The following RGS6 variants were observed in gnomAD, a reference collection of about 807,000 sequenced individuals.
RGS6 encodes the protein regulator of G protein signaling 6, also known as regulator of G-protein signaling 6.
A neutral mutation model predicts 78.5 loss-of-function variants in RGS6; 30 were observed. The observed-to-expected ratio is 0.38, with a 90% confidence interval of 0.29 to 0.52. The LOEUF (loss-of-function observed/expected upper bound fraction) is 0.52, where lower values mean the gene tolerates loss of function less well. RGS6 is among the 20% of genes least tolerant of loss of function. RGS6 has a pLI of 0.85. For synonymous variants in RGS6, 206 were observed against 206.0 expected (o/e 1.00, Z 0.00); for missense variants, 495 against 609.7 (o/e 0.81, Z 1.98).
chr14:72,364,028 T>TAAA (rs2082022171), intron 3 of RGS6, among the ~76,000 whole-genome samples: 1 of 99,710 alleles, frequency 1.0e-5, no homozygotes, highest in African/African-American at 5.0e-5. Context: ...AAAAAAAAAC[T>TAAA]CTATATTTAT....
intron 3 of RGS6, among the ~76,000 whole-genome samples, chr14:72,399,871 A>C (rs953612637): frequency 6.6e-6 from 1 of 152,242 alleles, no homozygotes; most frequent in African/African-American, 2.4e-5. Flanking sequence ...AAAGCCTCCA[A>C]GAAATATGGG....
At chr14:71,894,139 C>T in the RGS6 span, among the ~76,000 whole-genome samples, 616 of 152,218 alleles carry the variant, frequency 4.0e-3, 8 homozygotes, top group African/African-American at 0.014. Flanking sequence ...TTGTCAGAGG[C>T]GTTCAAACCA....
chr14:72,465,595 TGGA>T (rs1201387901), intron 6 of RGS6, among the ~76,000 whole-genome samples, 160 bp from the exon 7 acceptor site: 30 of 148,168 alleles, frequency 2.0e-4, no homozygotes, highest in African/African-American at 7.6e-4. Context: ...GATGGATGGA[TGGA>T]TGGTTGGGTG....
rs960226413 is a variant in RGS6 at position 72,094,735 on chromosome 14, G to A, written c.84+129860G>A. The stretch of plus-strand genomic sequence containing the variant: ...GTTTTCTGTGACATTGTTTACTTTC[G>A]TTATACCTTAATTATGGGATTCTGA... On this transcript the variant is annotated intron_variant, in intron 2 of 17. Transcript: ENST00000553525. Among the ~76,000 whole-genome samples, 6 of 151,922 alleles carry A rather than the reference G, an allele frequency of 3.9e-5. No homozygotes were observed. In the East Asian group the frequency reaches 7.7e-4, roughly 20 times the overall value.
intron 2 of RGS6, among the ~76,000 whole-genome samples, chr14:72,269,134 GCCCC>G (rs200644571): frequency 7.2e-4 from 31 of 43,062 alleles, no homozygotes; most frequent in Non-Finnish European, 1.4e-3. Flanking sequence ...TATTACCTCC[GCCCC>G]CCCACCACCC....
intron 17 of RGS6, among the ~76,000 whole-genome samples, chr14:72,543,455 T>C (rs1391449281): frequency 6.6e-6 from 1 of 152,188 alleles, no homozygotes; most frequent in Non-Finnish European, 1.5e-5. Context: ...CTAATCCTGC[T>C]CATGGGGAAG....
intron 2 of RGS6, among the ~76,000 whole-genome samples, chr14:72,086,501 TC>T (rs1249472909): frequency 1.4e-4 from 22 of 152,310 alleles, no homozygotes; most frequent in African/African-American, 4.8e-4. Context: ...TATAAGGCCT[TC>T]TATCCTTCTT....
At chr14:72,369,039 GA>G (rs1026970957) in intron 3 of RGS6, among the ~76,000 whole-genome samples, 25 of 150,932 alleles carry the variant, frequency 1.7e-4, no homozygotes, top group Admixed American at 4.0e-4. Flanking sequence ...TGATGAACTA[GA>G]AAAAAAAATC....
chr14:72,418,668 T>C (rs1244085597), intron 3 of RGS6, among the ~76,000 whole-genome samples: 3 of 152,226 alleles, frequency 2.0e-5, no homozygotes, highest in Non-Finnish European at 4.4e-5. Flanking sequence ...CAAAACTCCT[T>C]GCATGGAAGG....
rs558241520 is a variant in RGS6 at position 71,980,071 on chromosome 14, C to G, written c.84+15196C>G. Among the ~76,000 whole-genome samples the G allele has an allele frequency of 5.8e-5, 8 of 138,016 alleles. 1 individual carries two copies. In the South Asian group the frequency reaches 1.3e-3, roughly 23 times the overall value. 90.5% of individuals were successfully genotyped at this position (138,016 alleles called of 152,430 possible). On this transcript the variant is annotated intron_variant, in intron 2 of 17. Coordinates refer to ENST00000553525, the MANE Select transcript of RGS6 (RefSeq NM_001204424.2). ...GGTTTAAAGTCTGTTTTATCTGAGA[C>G]TAGGATTGCAACCCCTGCCTTTTTT...
chr14:72,310,210 C>T (rs1464352853), intron 2 of RGS6, among the ~76,000 whole-genome samples: 2 of 152,208 alleles, frequency 1.3e-5, no homozygotes, highest in Non-Finnish European at 2.9e-5. Context: ...GCTCCAAGGC[C>T]GCCAAGACTC....
At chr14:71,915,181 C>A in the RGS6 span, among the ~76,000 whole-genome samples, 435 of 151,580 alleles carry the variant, frequency 2.9e-3, 3 homozygotes, top group African/African-American at 9.7e-3. Context: ...TCGCTTGAAC[C>A]GGGAGGCAGA....
the RGS6 span, among the ~76,000 whole-genome samples, chr14:72,617,314 C>T: frequency 2.0e-4 from 30 of 152,064 alleles, no homozygotes; most frequent in Admixed American, 5.2e-4. Flanking sequence ...ATTAAAATGA[C>T]GCTCAAAACC....
intron 2 of RGS6, among the ~76,000 whole-genome samples, chr14:71,992,933 C>T (rs1015351668): frequency 2.0e-5 from 3 of 152,132 alleles, no homozygotes; most frequent in Admixed American, 6.5e-5. Context: ...GTTCTTTCTC[C>T]ATTGTTCAAT....
chr14:72,251,632 C>T (rs2055808741), intron 2 of RGS6, among the ~76,000 whole-genome samples: 1 of 152,156 alleles, frequency 6.6e-6, no homozygotes, highest in Non-Finnish European at 1.5e-5. Flanking sequence ...GATGCCACAT[C>T]TTCTTATGAG....
At chr14:72,123,017 A>G (rs1216451872) in intron 2 of RGS6, among the ~76,000 whole-genome samples, 2 of 152,174 alleles carry the variant, frequency 1.3e-5, no homozygotes, top group Non-Finnish European at 1.5e-5. Flanking sequence ...CCCAGGCTGG[A>G]GTGCAGTGTC....
chr14:72,343,846 G>A lies in RGS6; in HGVS notation c.85-8249G>A, dbSNP rs144394861. Among the ~76,000 whole-genome samples the A allele has an allele frequency of 2.8e-3, 427 of 152,286 alleles. 2 individuals are homozygous for A. Among genetic ancestry groups the A allele is most frequent in the African/African-American group, 9.8e-3 (407 of 41,570 alleles). ...AAGGAGTGATGGTTCCCAACAAGAA[G>A]AGGTTGACACACTCAAATTCAGGTA... On this transcript the variant is annotated intron_variant, in intron 2 of 17. Coordinates refer to ENST00000553525, the MANE Select transcript of RGS6 (RefSeq NM_001204424.2).
At chr14:72,361,448 G>A (rs1413676455) in intron 3 of RGS6, among the ~76,000 whole-genome samples, 1 of 152,286 alleles carries the variant, frequency 6.6e-6, no homozygotes, top group East Asian at 1.9e-4. Context: ...AAATTTTGGA[G>A]TTTTCAGAGG....
chr14:71,982,329 T>C (rs918053276), intron 2 of RGS6, among the ~76,000 whole-genome samples: 7 of 152,210 alleles, frequency 4.6e-5, no homozygotes, highest in Non-Finnish European at 1.0e-4. Flanking sequence ...GTTTATTTTT[T>C]ATTAAGTTCT....
Sources: gnomAD v4.1 joint callset for allele counts (sites outside exome capture counted in the v4.1 genomes callset) on GRCh38, gnomAD v4.1.1 for gene constraint, MANE v1.5 for transcripts, NCBI Gene and HGNC (gene_info 2026-07-23, HGNC 2026-07-21) for gene names.